Variants in RNF150 observed in about 807,000 individuals in gnomAD.
The protein encoded by RNF150 is ring finger protein 150.
In RNF150, 24 loss-of-function variants were observed where a neutral mutation model predicts 39.3. That is an observed-to-expected ratio of 0.61 (90% CI 0.44 to 0.86). RNF150 has a LOEUF of 0.86. RNF150 is among the 40% of genes least tolerant of loss of function. The pLI, the probability that RNF150 is intolerant of heterozygous loss-of-function variation, is 0.00. For synonymous variants in RNF150, 255 were observed against 227.3 expected (o/e 1.12, Z -1.10); for missense variants, 502 against 587.8 (o/e 0.85, Z 1.51).
chr4:141,178,733 G>A (rs1727858231), intron 1 of RNF150, among the ~76,000 whole-genome samples: 1 of 149,706 alleles, frequency 6.7e-6, no homozygotes, highest in African/African-American at 2.6e-5. Flanking sequence ...GTGGATGCTA[G>A]TTCATGTTCT....
At chr4:141,108,164 C>T (rs528913143) in intron 1 of RNF150, among the ~76,000 whole-genome samples, 1 of 152,338 alleles carries the variant, frequency 6.6e-6, no homozygotes, top group South Asian at 2.1e-4. Context: ...GCTCCCTTGG[C>T]TGCTTCAGAC....
intron 1 of RNF150, among the ~76,000 whole-genome samples, chr4:141,179,477 ACT>A (rs1294061249): frequency 2.6e-5 from 4 of 152,168 alleles, no homozygotes; most frequent in Non-Finnish European, 5.9e-5. Context: ...TCTCACAAAT[ACT>A]CTCTGGTTTT....
At chr4:141,170,762 A>G (rs1727702701) in intron 1 of RNF150, among the ~76,000 whole-genome samples, 2 of 152,208 alleles carry the variant, frequency 1.3e-5, no homozygotes, top group South Asian at 4.1e-4. Flanking sequence ...ATGGTAAATC[A>G]CCTCATATGT....
intron 5 of RNF150, among the ~76,000 whole-genome samples, chr4:140,924,419 G>T (rs1169329130): frequency 6.6e-6 from 1 of 152,208 alleles, no homozygotes; most frequent in Non-Finnish European, 1.5e-5. Context: ...ATTGAACGAT[G>T]GATGCTTGTT....
chr4:141,146,399 G>C (rs189568), intron 1 of RNF150, among the ~76,000 whole-genome samples: 1 of 152,154 alleles, frequency 6.6e-6, no homozygotes, highest in South Asian at 2.1e-4. Flanking sequence ...CATTCACTAC[G>C]TCATGCAAAT....
intron 6 of RNF150, among the ~76,000 whole-genome samples, chr4:140,870,362 G>GA (rs901672376): frequency 1.3e-5 from 2 of 152,076 alleles, no homozygotes; most frequent in East Asian, 1.9e-4. Flanking sequence ...TAGTCATTTA[G>GA]AAAAAAGTGA....
chr4:141,118,968 C>T (rs2111081183), intron 1 of RNF150, among the ~76,000 whole-genome samples: 1 of 152,194 alleles, frequency 6.6e-6, no homozygotes. Flanking sequence ...GCCTTGTTGG[C>T]CAGGCTGGTC....
chr4:141,204,811 TTAA>T (rs1332571944), intron 1 of RNF150, among the ~76,000 whole-genome samples: 5 of 152,234 alleles, frequency 3.3e-5, no homozygotes, highest in Non-Finnish European at 5.9e-5. Flanking sequence ...TGGTTGAATG[TTAA>T]TAAGTATTTT....
At chr4:141,077,449 C>T (rs943635476) in intron 1 of RNF150, among the ~76,000 whole-genome samples, 3 of 152,174 alleles carry the variant, frequency 2.0e-5, no homozygotes, top group Admixed American at 2.0e-4. Flanking sequence ...TGGAACTGTT[C>T]TGTATCTTGC....
At chr4:140,969,755 A>ATTT (rs1733387676) in intron 1 of RNF150, among the ~76,000 whole-genome samples, 1 of 45,602 alleles carries the variant, frequency 2.2e-5, no homozygotes. Flanking sequence ...CACAAGTTTT[A>ATTT]CTTTTTTTTT....
At chr4:140,932,335 A>G (rs1300453496) in intron 4 of RNF150, among the ~76,000 whole-genome samples, 1 of 152,226 alleles carries the variant, frequency 6.6e-6, no homozygotes, top group Non-Finnish European at 1.5e-5. Flanking sequence ...TCTACCAGTT[A>G]TTGTATCCCT....
chr4:141,031,484 T>C (rs1318247345), intron 1 of RNF150, among the ~76,000 whole-genome samples: 2 of 151,774 alleles, frequency 1.3e-5, no homozygotes, highest in Non-Finnish European at 2.9e-5. Flanking sequence ...TGAAAGAAAA[T>C]ATTTGCAAAC....
chr4:141,127,389 T>C (rs1485904383), intron 1 of RNF150, among the ~76,000 whole-genome samples: 1 of 152,048 alleles, frequency 6.6e-6, no homozygotes, highest in African/African-American at 2.4e-5. Flanking sequence ...TAAAGGAAAA[T>C]GTACAGCAAA....
At chr4:140,921,931 A>T (rs892765586) in intron 5 of RNF150, among the ~76,000 whole-genome samples, 10 of 151,774 alleles carry the variant, frequency 6.6e-5, no homozygotes, top group Non-Finnish European at 2.9e-5. Flanking sequence ...CTTCATGCTA[A>T]AAACTCTCAA....
At chr4:140,956,617 A>C (rs1423168421) in intron 2 of RNF150, among the ~76,000 whole-genome samples, 1 of 152,184 alleles carries the variant, frequency 6.6e-6, no homozygotes, top group Non-Finnish European at 1.5e-5. Context: ...ATTTGGGGGA[A>C]AAAACAATAA....
At chr4:140,902,775 C>T (rs898640756) in intron 6 of RNF150, among the ~76,000 whole-genome samples, 2 of 152,176 alleles carry the variant, frequency 1.3e-5, no homozygotes, top group Non-Finnish European at 2.9e-5. Context: ...ATAGGAATCC[C>T]AGAAGGAGAT....
chr4:140,881,306 G>A (rs1410442333), intron 6 of RNF150, among the ~76,000 whole-genome samples: 1 of 151,970 alleles, frequency 6.6e-6, no homozygotes, highest in African/African-American at 2.4e-5. Flanking sequence ...GGGACTAGAG[G>A]CATACATTAT....
chr4:141,203,826 G>T (rs1272294544), intron 1 of RNF150, among the ~76,000 whole-genome samples: 1 of 151,778 alleles, frequency 6.6e-6, no homozygotes, highest in Admixed American at 6.6e-5. Context: ...CTTGGCTTTT[G>T]GTAAGGAGAG....
chr4:141,140,355 T>C (rs1323768137), intron 1 of RNF150, among the ~76,000 whole-genome samples: 1 of 152,248 alleles, frequency 6.6e-6, no homozygotes, highest in Non-Finnish European at 1.5e-5. Flanking sequence ...TTTGGGCTTC[T>C]TTCCTTTTAT....
Sources: allele counts gnomAD v4.1 joint callset (sites outside exome capture counted in the v4.1 genomes callset), GRCh38; gene constraint gnomAD v4.1.1; transcripts MANE v1.5; gene names NCBI Gene and HGNC (gene_info 2026-07-23, HGNC 2026-07-21).